ATXN7: variants seen among roughly 807,000 people sequenced by gnomAD.
ATXN7 encodes ataxin-7.
A neutral mutation model predicts 70.5 loss-of-function variants in ATXN7; 12 were observed. The observed-to-expected ratio is 0.17, with a 90% confidence interval of 0.11 to 0.28. ATXN7 has a LOEUF of 0.28. Among genes scored for constraint, ATXN7 ranks in the 10% least tolerant of loss-of-function variants. The pLI, the probability that ATXN7 is intolerant of heterozygous loss-of-function variation, is 1.00. For synonymous variants in ATXN7, 498 were observed against 448.7 expected, an observed-to-expected ratio of 1.11 and a Z score of -1.39; for missense variants, 1,256 against 1,131.7, an observed-to-expected ratio of 1.11 and a Z score of -1.58.
chr3:63,967,917 A>G (rs749179600), intron 5 of ATXN7: 7 of 1,535,950 alleles, frequency 4.6e-6, no homozygotes, highest in Non-Finnish European at 6.1e-6. Context: ...TGTGAATGGA[A>G]GGTAGCAAGA....
intron 1 of ATXN7, among the ~76,000 whole-genome samples, chr3:63,875,552 G>A (rs1330538849): frequency 6.6e-6 from 1 of 152,174 alleles, no homozygotes; most frequent in Non-Finnish European, 1.5e-5. Context: ...AGCCAGGTGA[G>A]GAGCTGATTT....
intron 1 of ATXN7, among the ~76,000 whole-genome samples, chr3:63,879,930 C>A (rs1702858841): frequency 6.6e-6 from 1 of 150,780 alleles, no homozygotes; most frequent in African/African-American, 2.4e-5. Flanking sequence ...AAAAAAAATA[C>A]AAAAAATTAG....
chr3:63,882,160 C>T (rs1412506746), intron 1 of ATXN7, among the ~76,000 whole-genome samples: 1 of 152,130 alleles, frequency 6.6e-6, no homozygotes, highest in East Asian at 1.9e-4. Context: ...GCTGCTGTTA[C>T]TGTTTTCCTT....
At chr3:63,990,404 C>G (rs1196024828) in intron 10 of ATXN7, 30 bp downstream of exon 10, 1 of 1,612,398 alleles carries the variant, frequency 6.2e-7, no homozygotes, top group Admixed American at 1.7e-5. Flanking sequence ...CCGCGTTGAC[C>G]CTCCCCACAC....
intron 11 of ATXN7, among the ~76,000 whole-genome samples, chr3:63,992,251 G>A (rs929647504): frequency 6.6e-6 from 1 of 152,178 alleles, no homozygotes; most frequent in Non-Finnish European, 1.5e-5. Context: ...TAGAACACCA[G>A]ATTCAGAGCA....
chr3:63,928,323 A>G (rs1281781794), intron 4 of ATXN7, among the ~76,000 whole-genome samples: 2 of 151,746 alleles, frequency 1.3e-5, no homozygotes, highest in Non-Finnish European at 2.9e-5. Flanking sequence ...AAAAACAGCT[A>G]CTTATATATA....
At chr3:63,990,475 G>C in intron 10 of ATXN7, 101 bp downstream of exon 10, 1 of 1,430,302 alleles carries the variant, frequency 7.0e-7, no homozygotes, top group Non-Finnish European at 9.7e-7. Context: ...GTATGTGTGG[G>C]ACGCGGTCAA....
At chr3:63,975,842 T>A (rs1441469944) in intron 5 of ATXN7, among the ~76,000 whole-genome samples, 4 of 152,170 alleles carry the variant, frequency 2.6e-5, no homozygotes, top group Non-Finnish European at 4.4e-5. Context: ...TCTGTCTCCC[T>A]CTCTTCTCCC....
At chr3:63,880,040 C>T (rs908761921) in intron 1 of ATXN7, among the ~76,000 whole-genome samples, 4 of 151,864 alleles carry the variant, frequency 2.6e-5, no homozygotes, top group Non-Finnish European at 4.4e-5. Context: ...GAGCTGAGAT[C>T]GCGCCACTGC....
At chr3:63,938,657 C>T (rs2074704873) in intron 4 of ATXN7, among the ~76,000 whole-genome samples, 4 of 152,228 alleles carry the variant, frequency 2.6e-5, no homozygotes, top group Admixed American at 2.6e-4. Context: ...TGACCAAGTG[C>T]TGTCAGCTGT....
intron 3 of ATXN7, 114 bp downstream of exon 3, chr3:63,913,037 C>T (rs933212191): frequency 5.4e-6 from 7 of 1,296,924 alleles, no homozygotes; most frequent in Admixed American, 2.0e-5. Flanking sequence ...GAGATGCTAT[C>T]GTTTGCTGGG....
At chr3:63,997,511 G>A in intron 12 of ATXN7, 2 of 870,816 alleles carry the variant, frequency 2.3e-6, no homozygotes, top group Non-Finnish European at 3.6e-6. Context: ...CTGTATTTTT[G>A]TCTCGTCCCA....
chr3:63,945,822 C>T (rs543431160), intron 4 of ATXN7, among the ~76,000 whole-genome samples: 2 of 152,216 alleles, frequency 1.3e-5, no homozygotes, highest in Non-Finnish European at 2.9e-5. Flanking sequence ...AAGCTAAGAC[C>T]GAATGAAGTA....
intron 1 of ATXN7, chr3:63,873,770 C>G (rs751939757): frequency 2.6e-5 from 4 of 152,224 alleles, no homozygotes; most frequent in Non-Finnish European, 5.9e-5. Flanking sequence ...GTGGCACAAT[C>G]GTGGCTTACT....
intron 4 of ATXN7, among the ~76,000 whole-genome samples, chr3:63,930,396 T>G (rs62252364): frequency 0.03 from 4,600 of 152,318 alleles, 113 homozygotes; most frequent in South Asian, 0.073. Flanking sequence ...AGGATCCCTT[T>G]GTGTGTAGCC....
intron 5 of ATXN7, among the ~76,000 whole-genome samples, chr3:63,962,908 C>CTATTTTTTT (rs1553691654): frequency 5.1e-5 from 7 of 136,340 alleles, no homozygotes; most frequent in East Asian, 4.2e-4. Context: ...TTTTGTATTT[C>CTATTTTTTT]TTTTTTTTTT....
intron 4 of ATXN7, among the ~76,000 whole-genome samples, chr3:63,933,992 T>C (rs945903701): frequency 6.6e-6 from 1 of 152,104 alleles, no homozygotes; most frequent in African/African-American, 2.4e-5. Flanking sequence ...AAAACAGTGG[T>C]GATTGGAAAT....
At chr3:63,863,611 G>T (rs986514166), upstream of ATXN7, 32 of 1,195,820 alleles carry the variant, frequency 2.7e-5, no homozygotes, top group Non-Finnish European at 3.3e-5. Flanking sequence ...AGCAGCCGGG[G>T]AGGCCCGGGG....
chr3:63,963,123 C>T (rs2075159917), intron 5 of ATXN7, among the ~76,000 whole-genome samples: 1 of 151,926 alleles, frequency 6.6e-6, no homozygotes, highest in Non-Finnish European at 1.5e-5. Flanking sequence ...ACCATGTTGC[C>T]CAGGCTGGTC....
Sources: gnomAD v4.1 joint callset for allele counts (sites outside exome capture counted in the v4.1 genomes callset) on GRCh38, gnomAD v4.1.1 for gene constraint, MANE v1.5 for transcripts, NCBI Gene and HGNC (gene_info 2026-07-23, HGNC 2026-07-21) for gene names.